Variants in PLEKHA5 observed in about 807,000 individuals in gnomAD.
PLEKHA5 encodes the protein pleckstrin homology domain containing A5.
Under a neutral mutation model 181.9 loss-of-function variants are expected in PLEKHA5, and 55 were observed. The observed-to-expected ratio is 0.30, with a 90% CI of 0.24 to 0.38. PLEKHA5 has a LOEUF of 0.38. Ranked by LOEUF, PLEKHA5 falls within the 10% of genes least tolerant of loss-of-function variation. The probability of loss-of-function intolerance (pLI) is 1.00; values close to 1 mark genes in which losing one functional copy is unlikely to be tolerated. For missense variants in PLEKHA5, 1,432 were observed against 1,549.5 expected (o/e 0.92, Z 1.27); for synonymous variants, 535 against 529.4 (o/e 1.01, Z -0.15).
rs762133181 is a variant in PLEKHA5, at chr12:19,366,342, CAT to C, written c.3754+235_3754+236del. Among the ~76,000 whole-genome samples the C allele has an allele frequency of 7.9e-5, 12 of 152,210 alleles. 1 individual carries two copies. Among genetic ancestry groups the C allele is most frequent in the East Asian group, 1.9e-4 (1 of 5,182 alleles). ...TTGCTTTTTCCTTTCAATTTTAACA[CAT>C]AGAGTAAACTTTTTCTAATAAAATC... On this transcript the variant is annotated intron_variant, in intron 30 of 31. Coordinates refer to ENST00000429027, the MANE Select transcript of PLEKHA5 (RefSeq NM_001256470.2).
intron 3 of PLEKHA5, among the ~76,000 whole-genome samples, chr12:19,237,477 G>C (rs2061585820): frequency 6.8e-6 from 1 of 147,244 alleles, no homozygotes; most frequent in African/African-American, 2.5e-5. Flanking sequence ...TGTTCCTGTG[G>C]AGGTACTAAC....
intron 29 of PLEKHA5, among the ~76,000 whole-genome samples, chr12:19,363,509 T>C (rs1180894582): frequency 6.6e-6 from 1 of 150,864 alleles, no homozygotes; most frequent in Non-Finnish European, 1.5e-5. Context: ...TTTTTTTTTT[T>C]GAGACAGAGT....
At position 19,283,443 on chromosome 12, in the gene PLEKHA5, G is replaced by A. The variant is rs760938794; in HGVS notation, c.1477G>A (p.Gly493Arg). ...PSTHDKTLGPGAEEKRRSMRD... is the reference protein window; with the variant it reads ...PSTHDKTLGPRAEEKRRSMRD... ...CACTCATGACAAGACATTAGGACCCGGAGCGGAGGAGAAACGGAGGTCCAT... is the reference window on the plus strand; with the variant it reads ...CACTCATGACAAGACATTAGGACCCAGAGCGGAGGAGAAACGGAGGTCCAT... The change falls in exon 12 of 32, where the codon GGA becomes AGA. Residue 493 changes from glycine to arginine, a missense_variant. Gly to Arg is a moderately radical substitution (Grantham distance 125, BLOSUM62 -2). Transcript: ENST00000429027. 1.9e-5 allele frequency: 30 copies of A among 1,613,914 alleles called. No homozygotes were observed. The highest frequency in any genetic ancestry group is 5.0e-5 in the Admixed American group (3 of 59,962).
At chr12:19,267,658 C>T (rs1406971062) in intron 8 of PLEKHA5, among the ~76,000 whole-genome samples, 1 of 145,608 alleles carries the variant, frequency 6.9e-6, no homozygotes, top group Non-Finnish European at 1.5e-5. Context: ...AGACTCCCTC[C>T]CTCCCCCAAC....
chr12:19,149,318 C>T (rs984731240), intron 3 of PLEKHA5, among the ~76,000 whole-genome samples: 6 of 151,554 alleles, frequency 4.0e-5, no homozygotes, highest in Admixed American at 1.3e-4. Context: ...CTGGCTAGCA[C>T]GGTGAAACCC....
At chr12:19,198,085 T>C (rs900371175) in intron 3 of PLEKHA5, among the ~76,000 whole-genome samples, 5 of 152,148 alleles carry the variant, frequency 3.3e-5, no homozygotes, top group African/African-American at 1.2e-4. Context: ...TCTTTGCTTT[T>C]CCCCTGCTTC....
chr12:19,357,203 T>C (rs1159948196), intron 26 of PLEKHA5, among the ~76,000 whole-genome samples: 1 of 152,142 alleles, frequency 6.6e-6, no homozygotes, highest in East Asian at 1.9e-4. Context: ...CAATTTTCTA[T>C]TTCAGGGTCA....
intron 25 of PLEKHA5, 47 bp from the exon 26 acceptor site, chr12:19,353,837 C>A (rs1565654235): frequency 6.1e-6 from 5 of 822,754 alleles, no homozygotes; most frequent in East Asian, 2.5e-5. Flanking sequence ...GAAAGCAATG[C>A]TGTATAAAAG....
chr12:19,158,562 T>C (rs537840965), intron 3 of PLEKHA5, among the ~76,000 whole-genome samples: 1 of 152,232 alleles, frequency 6.6e-6, no homozygotes, highest in South Asian at 2.1e-4. Context: ...TGGTTTTCCA[T>C]TTAAAGGAAC....
intron 3 of PLEKHA5, among the ~76,000 whole-genome samples, chr12:19,238,247 G>A (rs1231840020): frequency 6.6e-6 from 1 of 152,022 alleles, no homozygotes; most frequent in Non-Finnish European, 1.5e-5. Context: ...TGAAGCAGTT[G>A]AAGAATGACT....
At chr12:19,287,284 G>A (rs543498640) in intron 12 of PLEKHA5, among the ~76,000 whole-genome samples, 189 bp from the exon 13 acceptor site, 15 of 152,264 alleles carry the variant, frequency 9.9e-5, no homozygotes, top group South Asian at 4.1e-4. Flanking sequence ...GATTACAGGC[G>A]TGAGCCACCG....
chr12:19,228,695 A>G (rs571624508), intron 3 of PLEKHA5, among the ~76,000 whole-genome samples: 2 of 152,316 alleles, frequency 1.3e-5, no homozygotes, highest in African/African-American at 2.4e-5. Context: ...TAGCATATCT[A>G]ATATTCTCAC....
At position 19,322,346 on chromosome 12, in the gene PLEKHA5, G is replaced by T. The variant is rs762155118; in HGVS notation, c.2254G>T (p.Val752Leu). 2 of 1,613,526 alleles carry T rather than the reference G, an allele frequency of 1.2e-6. No homozygotes were observed. The highest frequency in any genetic ancestry group is 1.7e-6 in the Non-Finnish European group (2 of 1,179,576). Residue 752 changes from valine to leucine, a missense_variant, in exon 19 of 32, where the codon GTG becomes TTG. Transcript: ENST00000429027. ...LSRLCEQDKV[V>L]HALEEKLQQL... Reference sequence around the variant, plus strand: ...CCGATTATGTGAACAAGATAAAGTGGTGCATGCTCTGGAAGAGAAACTTCA... The same window carrying T: ...CCGATTATGTGAACAAGATAAAGTGTTGCATGCTCTGGAAGAGAAACTTCA...
rs750787132 is a variant in PLEKHA5 at position 19,283,675 on chromosome 12, C to T, written c.1709C>T (p.Ser570Leu). Residue 570 changes from serine (S) to leucine (L), a missense_variant, in exon 12 of 32, where the codon TCG (serine) becomes TTG (leucine). Ser to Leu is a moderately radical substitution (Grantham distance 145). Around this residue, in one of 2 missense-constraint regions of PLEKHA5, gnomAD observed 1,143 missense variants for 1,168.4 expected, o/e 0.98. Transcript: ENST00000429027. ...QGYSPQRTYR[S>L]EVSSPIQRGD... ...TACTCCCCTCAACGAACTTACAGATCGGAAGTGTCTTCACCAATTCAGAGA... is the reference window on the plus strand; with the variant it reads ...TACTCCCCTCAACGAACTTACAGATTGGAAGTGTCTTCACCAATTCAGAGA... 1.8e-5 allele frequency: 29 copies of T among 1,613,936 alleles called. No homozygotes were observed. Among genetic ancestry groups the T allele is most frequent in the Non-Finnish European group, 1.9e-5 (22 of 1,179,986 alleles).
intron 31 of PLEKHA5, chr12:19,371,254 G>C (rs1384913592): frequency 6.6e-6 from 1 of 152,218 alleles, no homozygotes; most frequent in African/African-American, 2.4e-5. Context: ...TGATCTGTCC[G>C]CCTCAGCCTC....
intron 3 of PLEKHA5, among the ~76,000 whole-genome samples, chr12:19,250,586 A>G (rs2152517511): frequency 6.6e-6 from 1 of 152,314 alleles, no homozygotes; most frequent in East Asian, 1.9e-4. Flanking sequence ...TCCGTCTCCA[A>G]AAATAAAGAT....
intron 20 of PLEKHA5, among the ~76,000 whole-genome samples, chr12:19,334,829 A>AAAAAAAAAAAATATATATATATAT: frequency 5.4e-5 from 1 of 18,604 alleles, no homozygotes; most frequent in Non-Finnish European, 1.4e-4. Flanking sequence ...AAAAAAAAAA[A>AAAAAAAAAAAATATATATATATAT]ATATATATAT....
At chr12:19,201,947 TTTAATGAAATGTG>T (rs1409803995) in intron 3 of PLEKHA5, 1 of 555,672 alleles carries the variant, frequency 1.8e-6, no homozygotes, top group Non-Finnish European at 2.3e-6. Context: ...CATAGGTGGG[TTTAATGAAATGTG>T]AATTACACTG....
intron 21 of PLEKHA5, among the ~76,000 whole-genome samples, chr12:19,338,795 A>G (rs1256717147): frequency 1.3e-5 from 2 of 151,468 alleles, no homozygotes; most frequent in East Asian, 4.0e-4. Flanking sequence ...GTGGCAGGAG[A>G]ATCACTTCAA....
Sources: gnomAD v4.1 joint callset for allele counts (sites outside exome capture counted in the v4.1 genomes callset) on GRCh38, gnomAD v4.1.1 for gene constraint, gnomAD v4.1.1 regional missense constraint, MANE v1.5 for transcripts, NCBI Gene and HGNC (gene_info 2026-07-23, HGNC 2026-07-21) for gene names.